INPP5A: variants seen among roughly 807,000 people sequenced by gnomAD.
INPP5A encodes inositol polyphosphate-5-phosphatase A, also known as 43 kDa inositol polyphosphate 5-phophatase.
INPP5A carries 14 observed loss-of-function variants against 65.2 expected under a neutral mutation model. That is an observed-to-expected ratio of 0.21 (90% CI 0.14 to 0.34). INPP5A has a LOEUF of 0.34. Among genes scored for constraint, INPP5A ranks in the 10% least tolerant of loss-of-function variants. INPP5A has a pLI of 1.00. For missense variants in INPP5A, 431 were observed against 545.6 expected, an observed-to-expected ratio of 0.79 and a Z score of 2.09; for synonymous variants, 207 against 208.3, an observed-to-expected ratio of 0.99 and a Z score of 0.05.
At chr10:132,780,080 G>C (rs755846979) in intron 13 of INPP5A, among the ~76,000 whole-genome samples, 4 of 152,260 alleles carry the variant, frequency 2.6e-5, no homozygotes, top group Non-Finnish European at 5.9e-5. Flanking sequence ...GCCGAAGCTT[G>C]TTTTCTCATT....
intron 4 of INPP5A, among the ~76,000 whole-genome samples, chr10:132,656,746 T>A (rs1408426078): frequency 6.6e-6 from 1 of 152,198 alleles, no homozygotes; most frequent in Non-Finnish European, 1.5e-5. Context: ...ATTTTTCACA[T>A]GCAGCAGCTG....
Position 132,575,933 on chromosome 10 carries a change from G to T in INPP5A, c.76-31982G>T, listed in dbSNP as rs1051492052. On this transcript the variant is annotated intron_variant, in intron 1 of 15. Coordinates refer to ENST00000368594, the MANE Select transcript of INPP5A (RefSeq NM_005539.5). This position sits in a 1 kb window ranked among gnomAD's most constrained non-coding sequence, Gnocchi z 5.4. Reference sequence around the variant, plus strand: ...GCGGCTCTTGTGGACTGTGGAGCTGGTGGCTCCCCTCTCCTCCTGAACCAC... The same window carrying T: ...GCGGCTCTTGTGGACTGTGGAGCTGTTGGCTCCCCTCTCCTCCTGAACCAC... Among the ~76,000 whole-genome samples the T allele has an allele frequency of 6.6e-6, 1 of 152,162 alleles. No homozygotes were observed. The highest frequency in any genetic ancestry group is 1.5e-5 in the Non-Finnish European group (1 of 68,006).
intron 2 of INPP5A, among the ~76,000 whole-genome samples, chr10:132,629,492 C>T (rs1208453315): frequency 2.0e-5 from 3 of 152,182 alleles, no homozygotes; most frequent in Non-Finnish European, 2.9e-5. Flanking sequence ...GCATGCATAG[C>T]GGAAGATTGG....
At chr10:132,640,379 C>T (rs1021361117) in intron 2 of INPP5A, among the ~76,000 whole-genome samples, 14 of 152,230 alleles carry the variant, frequency 9.2e-5, no homozygotes, top group African/African-American at 3.4e-4. Flanking sequence ...CTAGCTCTTC[C>T]CTCCAGGGTT....
chr10:132,544,474 C>G (rs1230000608), intron 1 of INPP5A, among the ~76,000 whole-genome samples: 1 of 152,028 alleles, frequency 6.6e-6, no homozygotes. Flanking sequence ...GACCCAAGAT[C>G]TCGGTGCACT....
intron 8 of INPP5A, among the ~76,000 whole-genome samples, chr10:132,711,959 G>A (rs933617972): frequency 6.6e-6 from 1 of 152,164 alleles, no homozygotes; most frequent in Non-Finnish European, 1.5e-5. Flanking sequence ...GGAGGGGTCC[G>A]TGGGTGGGGC....
intron 1 of INPP5A, among the ~76,000 whole-genome samples, chr10:132,586,634 C>G (rs2071548467): frequency 6.6e-6 from 1 of 152,238 alleles, no homozygotes; most frequent in Non-Finnish European, 1.5e-5. Flanking sequence ...TCACTGGAAT[C>G]TGGAGTGAAA....
At chr10:132,624,279 G>A (rs2072148059) in intron 2 of INPP5A, among the ~76,000 whole-genome samples, 1 of 152,362 alleles carries the variant, frequency 6.6e-6, no homozygotes, top group East Asian at 1.9e-4. Flanking sequence ...ATGGAAGCGG[G>A]GGAGCTGTGG....
chr10:132,592,824 A>G (rs1277846332), intron 1 of INPP5A, among the ~76,000 whole-genome samples: 2 of 152,230 alleles, frequency 1.3e-5, no homozygotes, highest in Non-Finnish European at 2.9e-5. Flanking sequence ...GTCGTGGCTT[A>G]AAATAACACC....
chr10:132,596,869 A>ATGCG (rs2071699504), intron 1 of INPP5A, among the ~76,000 whole-genome samples: 1 of 125,576 alleles, frequency 8.0e-6, no homozygotes, highest in East Asian at 2.6e-4. Flanking sequence ...ATGTGTGTGC[A>ATGCG]TGTGTGTGCA....
At chr10:132,764,531 GGCCA>G in intron 11 of INPP5A, among the ~76,000 whole-genome samples, 1 of 135,630 alleles carries the variant, frequency 7.4e-6, no homozygotes, top group Admixed American at 7.6e-5. Flanking sequence ...AACACGGTCG[GGCCA>G]GTCCTGCAGG....
At chr10:132,691,978 A>G (rs1836588094) in intron 5 of INPP5A, among the ~76,000 whole-genome samples, 1 of 152,082 alleles carries the variant, frequency 6.6e-6, no homozygotes, top group Admixed American at 6.5e-5. Context: ...CCCGGGAGGC[A>G]TGCGGATGCT....
chr10:132,631,877 T>C (rs1210344370), intron 2 of INPP5A, among the ~76,000 whole-genome samples: 3 of 152,250 alleles, frequency 2.0e-5, no homozygotes, highest in Non-Finnish European at 2.9e-5. Flanking sequence ...TCCTTTAAGG[T>C]AGGAGCACCT....
intron 4 of INPP5A, among the ~76,000 whole-genome samples, chr10:132,688,283 G>C (rs1401194534): frequency 6.6e-6 from 1 of 152,212 alleles, no homozygotes; most frequent in Non-Finnish European, 1.5e-5. Context: ...GCCTCTGAGG[G>C]AGCAGCAGCC....
chr10:132,743,492 C>A (rs1445091804), intron 9 of INPP5A, among the ~76,000 whole-genome samples: 1 of 152,272 alleles, frequency 6.6e-6, no homozygotes, highest in Non-Finnish European at 1.5e-5. Flanking sequence ...CTTGCGCGAA[C>A]CCTGGAGGGC....
At chr10:132,584,254 A>G (rs2071521214) in intron 1 of INPP5A, among the ~76,000 whole-genome samples, 1 of 152,236 alleles carries the variant, frequency 6.6e-6, no homozygotes, top group African/African-American at 2.4e-5. Context: ...TTTGGAAAAC[A>G]CTAACCATTT....
At chr10:132,711,192 T>C (rs1845630963) in intron 8 of INPP5A, among the ~76,000 whole-genome samples, 1 of 152,192 alleles carries the variant, frequency 6.6e-6, no homozygotes, top group Non-Finnish European at 1.5e-5. Flanking sequence ...CACCTGCGCC[T>C]GGGCCCCTGC....
At chr10:132,593,237 G>A (rs189365634) in intron 1 of INPP5A, among the ~76,000 whole-genome samples, 230 of 152,246 alleles carry the variant, frequency 1.5e-3, no homozygotes, top group African/African-American at 5.2e-3. Flanking sequence ...ATGCATGGGC[G>A]CGCCGTCTTC....
intron 1 of INPP5A, among the ~76,000 whole-genome samples, chr10:132,568,693 G>A (rs1444426863): frequency 6.6e-6 from 1 of 152,138 alleles, no homozygotes; most frequent in Admixed American, 6.5e-5. Flanking sequence ...GGAGGTGGAG[G>A]TTCCAGTGAG....
Sources: gnomAD v4.1 joint callset for allele counts (sites outside exome capture counted in the v4.1 genomes callset) on GRCh38, gnomAD v4.1.1 for gene constraint, Gnocchi (gnomAD v3.1) non-coding constraint, MANE v1.5 for transcripts, NCBI Gene and HGNC (gene_info 2026-07-23, HGNC 2026-07-21) for gene names.